FBP2: variants seen among roughly 807,000 people sequenced by gnomAD.
The protein encoded by FBP2 is fructose-1,6-bisphosphatase isozyme 2.
FBP2 carries 27 observed loss-of-function variants against 31.6 expected under a neutral mutation model. The observed-to-expected ratio is 0.85, with a 90% CI of 0.63 to 1.18. The LOEUF is 1.18. FBP2 is among the 50% of genes most tolerant of loss of function. FBP2 has a pLI of 0.00. For missense variants in FBP2, 421 were observed against 436.1 expected (o/e 0.97, Z 0.31); for synonymous variants, 168 against 179.8 (o/e 0.93, Z 0.53).
intron 3 of FBP2, among the ~76,000 whole-genome samples, chr9:94,578,203 T>A (rs1827335534): frequency 6.6e-6 from 1 of 152,254 alleles, no homozygotes; most frequent in Admixed American, 6.5e-5. Context: ...TTGTGTAATT[T>A]TTTTGACAAA....
chr9:94,564,183 C>A (rs954087949), intron 5 of FBP2, among the ~76,000 whole-genome samples: 1 of 152,210 alleles, frequency 6.6e-6, no homozygotes, highest in African/African-American at 2.4e-5. Context: ...AATATACATT[C>A]TTCTCATCAC....
intron 1 of FBP2, among the ~76,000 whole-genome samples, chr9:94,590,391 C>T (rs1429310722): frequency 6.6e-6 from 1 of 152,112 alleles, no homozygotes; most frequent in Non-Finnish European, 1.5e-5. Context: ...TTTTAAATTG[C>T]ATTCACGGAG....
At chr9:94,572,636 G>A (rs796103743) in intron 3 of FBP2, among the ~76,000 whole-genome samples, 11 of 152,134 alleles carry the variant, frequency 7.2e-5, no homozygotes, top group South Asian at 2.1e-4. Context: ...TACCAACTCC[G>A]TCTTGTTCCT....
At chr9:94,584,447 T>A in intron 3 of FBP2, 130 bp downstream of exon 3, 1 of 644,352 alleles carries the variant, frequency 1.6e-6, no homozygotes, top group Non-Finnish European at 2.8e-6. Context: ...AAGTTGGTGG[T>A]TTGCCTACAG....
chr9:94,578,862 G>A (rs1019293181), intron 3 of FBP2, among the ~76,000 whole-genome samples: 9 of 151,664 alleles, frequency 5.9e-5, no homozygotes, highest in African/African-American at 2.2e-4. Flanking sequence ...GACCATCCTG[G>A]CTAACACGGT....
At chr9:94,589,275 G>A (rs563090972) in intron 1 of FBP2, among the ~76,000 whole-genome samples, 1 of 152,260 alleles carries the variant, frequency 6.6e-6, no homozygotes, top group African/African-American at 2.4e-5. Context: ...AGCGGCTCTG[G>A]TCCTTCTCGC....
rs182452945 is a variant in FBP2, at chr9:94,562,968, G to A, written c.825+374C>T. On this transcript the variant is annotated intron_variant, in intron 6 of 6. Coordinates refer to ENST00000375337, the MANE Select transcript of FBP2 (RefSeq NM_003837.4). ...CGTTTACATGCATTTGTTCTGGGAAGTGTGTTGATAAGTTTTATTAGGCTC... is the reference window on the plus strand; with the variant it reads ...CGTTTACATGCATTTGTTCTGGGAAATGTGTTGATAAGTTTTATTAGGCTC... Among the ~76,000 whole-genome samples, 4 of 152,320 alleles carry A rather than the reference G, an allele frequency of 2.6e-5. No individual in the cohort carries two copies. The East Asian group carries it at 5.8e-4, about 22-fold the overall frequency.
chr9:94,585,132 G>A (rs1374502468), intron 2 of FBP2, among the ~76,000 whole-genome samples: 1 of 152,100 alleles, frequency 6.6e-6, no homozygotes, highest in Non-Finnish European at 1.5e-5. Flanking sequence ...AGTTTTCCCT[G>A]ACTTTCCAAT....
intron 1 of FBP2, among the ~76,000 whole-genome samples, chr9:94,590,191 G>A (rs946060534): frequency 6.6e-6 from 1 of 152,154 alleles, no homozygotes; most frequent in African/African-American, 2.4e-5. Flanking sequence ...ATGGGGGAAA[G>A]GGGCTCTCTA....
intron 5 of FBP2, among the ~76,000 whole-genome samples, chr9:94,566,816 T>C (rs982188989): frequency 3.3e-5 from 5 of 152,250 alleles, no homozygotes; most frequent in African/African-American, 1.2e-4. Context: ...CTGAACTTGA[T>C]GGAGCTTATG....
At chr9:94,582,537 C>T (rs892133984) in intron 3 of FBP2, among the ~76,000 whole-genome samples, 20 of 144,778 alleles carry the variant, frequency 1.4e-4, no homozygotes, top group Non-Finnish European at 2.7e-4. Context: ...CATGCCACCA[C>T]TCTTGGCTAA....
intron 1 of FBP2, among the ~76,000 whole-genome samples, chr9:94,589,958 C>T (rs1179659552): frequency 2.0e-5 from 3 of 152,126 alleles, no homozygotes; most frequent in Non-Finnish European, 2.9e-5. Context: ...AATCTGAATG[C>T]GCTTGCCACT....
intron 1 of FBP2, among the ~76,000 whole-genome samples, chr9:94,592,658 C>T (rs897948025): frequency 2.6e-5 from 4 of 152,216 alleles, no homozygotes; most frequent in African/African-American, 9.6e-5. Context: ...CCTCAGCCTC[C>T]CGAGTAGCCG....
chr9:94,582,708 C>T (rs1292336280), intron 3 of FBP2, among the ~76,000 whole-genome samples: 7 of 151,130 alleles, frequency 4.6e-5, no homozygotes, highest in African/African-American at 1.5e-4. Flanking sequence ...CCACCACGCC[C>T]GGCTAATTTT....
intron 1 of FBP2, among the ~76,000 whole-genome samples, chr9:94,591,600 T>TG (rs1223223598): frequency 2.6e-5 from 4 of 152,042 alleles, no homozygotes; most frequent in Non-Finnish European, 4.4e-5. Flanking sequence ...CACAGTGCAG[T>TG]GGGGGGCTGA....
At chr9:94,590,564 G>A (rs1827484744) in intron 1 of FBP2, among the ~76,000 whole-genome samples, 2 of 152,176 alleles carry the variant, frequency 1.3e-5, no homozygotes, top group South Asian at 4.1e-4. Context: ...CGCATCTGGA[G>A]TTGTTCGTTC....
intron 3 of FBP2, among the ~76,000 whole-genome samples, chr9:94,579,630 G>T (rs1235324082): frequency 6.6e-6 from 1 of 152,096 alleles, no homozygotes; most frequent in Middle Eastern, 3.2e-3. Context: ...TTAAAGCAAG[G>T]TTGTCTGTCT....
At chr9:94,562,011 C>T (rs1340338209) in intron 6 of FBP2, among the ~76,000 whole-genome samples, 1 of 152,066 alleles carries the variant, frequency 6.6e-6, no homozygotes, top group African/African-American at 2.4e-5. Flanking sequence ...CAGAGTGGTT[C>T]TAAGAATTTC....
chr9:94,586,538 A>G (rs540624515), intron 2 of FBP2: 1 of 152,366 alleles, frequency 6.6e-6, no homozygotes, highest in African/African-American at 2.4e-5. Flanking sequence ...TGGAAGTAAT[A>G]GTGTGATGTA....
Sources: gnomAD v4.1 joint callset for allele counts (sites outside exome capture counted in the v4.1 genomes callset) on GRCh38, gnomAD v4.1.1 for gene constraint, MANE v1.5 for transcripts, NCBI Gene and HGNC (gene_info 2026-07-23, HGNC 2026-07-21) for gene names.